Variants in PASK observed in about 807,000 individuals in gnomAD.
The protein encoded by PASK is PAS domain-containing serine/threonine-protein kinase.
PASK carries 110 observed loss-of-function variants against 121.0 expected under a neutral mutation model. The ratio of observed to expected loss-of-function variants is 0.91; its 90% CI spans 0.78 to 1.06. The LOEUF (loss-of-function observed/expected upper bound fraction) is 1.06, where lower values mean the gene tolerates loss of function less well. PASK is among the 50% of genes least tolerant of loss of function. The probability of loss-of-function intolerance (pLI) is 0.00; values close to 1 mark genes in which losing one functional copy is unlikely to be tolerated. For synonymous variants in PASK, 686 were observed against 717.8 expected (o/e 0.96, Z 0.71); for missense variants, 1,643 against 1,702.3 (o/e 0.97, Z 0.61).
intron 9 of PASK, among the ~76,000 whole-genome samples, chr2:241,132,508 G>A (rs1454753402): frequency 3.6e-5 from 4 of 110,392 alleles, no homozygotes; most frequent in South Asian, 6.6e-4. Context: ...CAGCCTGGGT[G>A]ACACAGCGAG....
At chr2:241,148,973 C>A (rs531468372) in intron 1 of PASK, among the ~76,000 whole-genome samples, 8 of 140,522 alleles carry the variant, frequency 5.7e-5, no homozygotes, top group Admixed American at 4.0e-4. Context: ...GCGGCGCGCG[C>A]CCCCGACCCC....
Position 241,122,744 on chromosome 2 carries a change from T to C in PASK, c.3060A>G (p.Glu1020=), listed in dbSNP as rs772871027. 16 of 1,614,048 alleles carry C rather than the reference T, an allele frequency of 9.9e-6. No individual in the cohort carries two copies. Among genetic ancestry groups the C allele is most frequent in the Non-Finnish European group, 1.3e-5 (15 of 1,180,010 alleles). ...ACAGCCAGGTTACCTCCTTGTTTTT[T>C]TCCTTGTCCACAGCAGTCCACACGA... ...FGFVWTAVDK[E]KNKEVVVKFI... Residue 1020 remains glutamate (E), a synonymous_variant, in exon 12 of 18, where the codon GAA becomes GAG. Transcript: ENST00000234040.
intron 3 of PASK, among the ~76,000 whole-genome samples, chr2:241,140,278 C>T (rs2066643560): frequency 1.3e-5 from 2 of 152,150 alleles, no homozygotes; most frequent in African/African-American, 2.4e-5. Context: ...GATCCTCCTG[C>T]CTCAGCCTCC....
In PASK at chr2:241,143,899, G is replaced by A. The variant is rs186195434; in HGVS notation, c.-42-825C>T. 2.6e-5 allele frequency among the ~76,000 whole-genome samples: 4 copies of A among 152,372 alleles called. No individual in the cohort carries two copies. In the East Asian group the frequency reaches 7.7e-4, roughly 29 times the overall value. ...GAGACAGGCCTGGCACCAGAGATTT[G>A]TATTTTTAGCTTTTCTCTTATACAT... On this transcript the variant is annotated intron_variant, in intron 1 of 17. Transcript: ENST00000234040.
intron 8 of PASK, among the ~76,000 whole-genome samples, chr2:241,135,457 A>G (rs1487505254): frequency 6.6e-6 from 1 of 152,176 alleles, no homozygotes; most frequent in African/African-American, 2.4e-5. Context: ...GAATCTGTGT[A>G]TAAGTGGACC....
At position 241,137,283 on chromosome 2, in the gene PASK, G is replaced by A. The variant is rs1250118357; in HGVS notation, c.877-19C>T. 18 of 1,611,102 alleles carry A rather than the reference G, an allele frequency of 1.1e-5. No homozygotes were observed. The highest frequency in any genetic ancestry group is 4.5e-5 in the East Asian group (2 of 44,892). ...TGAGATTCTGAAAGAAAGGCTTGTC[G>A]TTTGGCTTAAGCCGTGTTTCACGTG... is the stretch of plus-strand genomic sequence containing the variant. On this transcript the variant is annotated intron_variant, in intron 6 of 17. Transcript: ENST00000234040.
rs2066236268 is a variant in PASK at position 241,132,991 on chromosome 2, A to C, written c.1346T>G (p.Val449Gly). The C allele has an allele frequency of 6.2e-7, 1 of 1,614,042 alleles. No individual in the cohort carries two copies. Among genetic ancestry groups the C allele is most frequent in the Non-Finnish European group, 8.5e-7 (1 of 1,179,984 alleles). The change falls in exon 9 of 18, where the codon GTG (valine) becomes GGG (glycine). Residue 449 changes from valine to glycine, a missense_variant. Around this residue, in one of 3 missense-constraint regions of PASK, gnomAD observed 1,176 missense variants for 1,162.2 expected, o/e 1.01. Transcript: ENST00000234040. The part of the protein sequence containing the change: ...INVVLAGGHV[V>G]PRDEIRKLME... ...CAGCTTCCGGATCTCATCTCGGGGC[A>C]CAACGTGGCCACCAGCAAGCACGAC...
chr2:241,121,773 C>T (rs1202053094), intron 12 of PASK, among the ~76,000 whole-genome samples: 4 of 152,180 alleles, frequency 2.6e-5, no homozygotes, highest in Non-Finnish European at 5.9e-5. Context: ...GGAATTAGTT[C>T]ATCAAGAAGA....
intron 9 of PASK, among the ~76,000 whole-genome samples, chr2:241,131,703 G>A (rs868794403): frequency 6.6e-6 from 1 of 152,088 alleles, no homozygotes; most frequent in African/African-American, 2.4e-5. Context: ...AGCCAAGAAA[G>A]GGTCCTGGGC....
chr2:241,114,334 T>A, intron 14 of PASK: 1 of 985,406 alleles, frequency 1.0e-6, no homozygotes, highest in Non-Finnish European at 1.2e-6. Context: ...AGAAATCGAG[T>A]TGTCCCCAGC....
intron 9 of PASK, among the ~76,000 whole-genome samples, chr2:241,128,627 G>A (rs569944189): frequency 3.3e-5 from 5 of 152,196 alleles, no homozygotes; most frequent in Non-Finnish European, 5.9e-5. Flanking sequence ...GCCCACACCT[G>A]TAATCCCAGC....
intron 12 of PASK, among the ~76,000 whole-genome samples, chr2:241,120,217 G>C (rs1322080386): frequency 2.6e-5 from 4 of 152,116 alleles, no homozygotes; most frequent in African/African-American, 4.8e-5. Flanking sequence ...GCAGGGCCAG[G>C]CACAGTGGCT....
At chr2:241,149,584 C>T (rs1006896048), upstream of PASK, 3 of 1,448,328 alleles carry the variant, frequency 2.1e-6, no homozygotes, top group Non-Finnish European at 1.9e-6. Flanking sequence ...TAGAAGCCCG[C>T]GCTAAGGGTT....
intron 9 of PASK, chr2:241,127,874 C>A: frequency 3.4e-6 from 1 of 297,680 alleles, no homozygotes; most frequent in Non-Finnish European, 6.5e-6. Flanking sequence ...AACTCCACAA[C>A]AGTAAAAAAA....
intron 15 of PASK, among the ~76,000 whole-genome samples, chr2:241,111,520 G>A (rs2065111978): frequency 6.6e-6 from 1 of 152,220 alleles, no homozygotes; most frequent in Non-Finnish European, 1.5e-5. Context: ...ACAGGCAGAT[G>A]AGACAGTGAT....
In PASK at chr2:241,120,208, C is replaced by T. The variant is rs144893270; in HGVS notation, c.3072+2524G>A. ...CCCAATTTAAAAGTAGGCAAAGGGGCAGGGCCAGGCACAGTGGCTCACACC... is the reference window on the plus strand; with the variant it reads ...CCCAATTTAAAAGTAGGCAAAGGGGTAGGGCCAGGCACAGTGGCTCACACC... On this transcript the variant is annotated intron_variant, in intron 12 of 17. Coordinates refer to ENST00000234040, the MANE Select transcript of PASK (RefSeq NM_015148.4). Among the ~76,000 whole-genome samples the T allele has an allele frequency of 9.6e-3, 1,464 of 152,084 alleles. 19 individuals are homozygous for T. The highest frequency in any genetic ancestry group is 0.033 in the African/African-American group (1,352 of 41,496).
Position 241,126,847 on chromosome 2 carries a change from C to T in PASK, c.2068G>A (p.Val690Ile), listed in dbSNP as rs370982349. The stretch of plus-strand genomic sequence containing the variant: ...TCGCAGGACGACACAGGAGCGGTGA[C>T]AGCCTGGCACTCTGTCGGAACGAGT... ...AELVPTECQA[V>I]TAPVSSCDLG... Residue 690 changes from valine to isoleucine, a missense_variant, in exon 10 of 18, where the codon GTC (valine) becomes ATC (isoleucine). By Grantham distance (29) the Val-to-Ile change is conservative. Coordinates refer to ENST00000234040, the MANE Select transcript of PASK (RefSeq NM_015148.4). 3.1e-6 allele frequency: 5 copies of T among 1,612,408 alleles called. No individual in the cohort carries two copies. The highest frequency in any genetic ancestry group is 1.3e-5 in the African/African-American group (1 of 74,894).
intron 12 of PASK, 73 bp downstream of exon 12, chr2:241,122,659 G>A (rs2065664937): frequency 1.4e-6 from 2 of 1,445,068 alleles, no homozygotes; most frequent in Admixed American, 3.3e-5. Context: ...CCCCAGGTTT[G>A]AGAACTGGGA....
chr2:241,132,527 TAAAA>T (rs71049553), intron 9 of PASK, among the ~76,000 whole-genome samples: 4 of 39,530 alleles, frequency 1.0e-4, no homozygotes, highest in Non-Finnish European at 1.5e-4. Context: ...AGACTCTGTC[TAAAA>T]AAAAAAAAAA....
Sources: allele counts gnomAD v4.1 joint callset (sites outside exome capture counted in the v4.1 genomes callset), GRCh38; gene constraint gnomAD v4.1.1; regional missense constraint gnomAD v4.1.1; transcripts MANE v1.5; gene names NCBI Gene and HGNC (gene_info 2026-07-23, HGNC 2026-07-21).